Variants in PCDH15 observed in about 807,000 individuals in gnomAD.
PCDH15 encodes the protein protocadherin related 15.
PCDH15 carries 129 observed loss-of-function variants against 178.5 expected under a neutral mutation model. The observed-to-expected ratio is 0.72, with a 90% CI of 0.63 to 0.84. The LOEUF (loss-of-function observed/expected upper bound fraction) is 0.84. PCDH15 is among the 40% of genes least tolerant of loss of function. The pLI, the probability that PCDH15 is intolerant of heterozygous loss-of-function variation, is 0.00. For missense variants in PCDH15, 2,230 were observed against 2,099.9 expected (o/e 1.06, Z -1.21); for synonymous variants, 800 against 732.0 (o/e 1.09, Z -1.50).
intron 2 of PCDH15, among the ~76,000 whole-genome samples, chr10:55,490,806 T>A (rs1218324833): frequency 6.6e-6 from 1 of 151,682 alleles, no homozygotes; most frequent in Non-Finnish European, 1.5e-5. Flanking sequence ...CAATAAAGCT[T>A]AAGGAAGATA....
intron 2 of PCDH15, among the ~76,000 whole-genome samples, chr10:55,537,542 T>A (rs2132070818): frequency 7.9e-6 from 1 of 125,790 alleles, no homozygotes; most frequent in East Asian, 5.8e-4. Flanking sequence ...TTTAAGCAAT[T>A]CTCCTGCCTC....
At chr10:54,460,560 G>A (rs1043744639) in intron 3 of PCDH15, among the ~76,000 whole-genome samples, 1 of 152,004 alleles carries the variant, frequency 6.6e-6, no homozygotes, top group Non-Finnish European at 1.5e-5. Flanking sequence ...GTAAAACATG[G>A]AGCGGGAATC....
At chr10:54,105,137 C>CA (rs762540128) in intron 15 of PCDH15, among the ~76,000 whole-genome samples, 1 of 150,958 alleles carries the variant, frequency 6.6e-6, no homozygotes, top group Non-Finnish European at 1.5e-5. Context: ...CCAGAAACCC[C>CA]AAAACCAATG....
chr10:55,437,966 T>A (rs1042101197), intron 2 of PCDH15, among the ~76,000 whole-genome samples: 1 of 150,422 alleles, frequency 6.6e-6, no homozygotes, highest in Non-Finnish European at 1.5e-5. Context: ...GCCTCCCGGG[T>A]ACCTAGATTA....
At chr10:54,494,894 T>G (rs2079969769) in intron 3 of PCDH15, among the ~76,000 whole-genome samples, 1 of 152,130 alleles carries the variant, frequency 6.6e-6, no homozygotes, top group African/African-American at 2.4e-5. Context: ...TGCTCAATTC[T>G]GGAGGCCCTA....
chr10:54,380,737 T>TGCTCC (rs1272225597), intron 3 of PCDH15, among the ~76,000 whole-genome samples: 2 of 130,828 alleles, frequency 1.5e-5, no homozygotes, highest in Non-Finnish European at 3.1e-5. Context: ...TATATATATA[T>TGCTCC]ATATATATAT....
intron 2 of PCDH15, among the ~76,000 whole-genome samples, chr10:55,072,396 TA>T (rs1429127460): frequency 6.6e-6 from 1 of 151,684 alleles, no homozygotes; most frequent in Non-Finnish European, 1.5e-5. Flanking sequence ...ATAGACGCAA[TA>T]AAAAATGATA....
At chr10:54,695,844 C>T (rs1199071416) in intron 1 of PCDH15, among the ~76,000 whole-genome samples, 1 of 151,360 alleles carries the variant, frequency 6.6e-6, no homozygotes, top group Non-Finnish European at 1.5e-5. Context: ...TCCATTGGGG[C>T]TTCAAATGAA....
chr10:54,915,121 C>A (rs1301336045), intron 2 of PCDH15, among the ~76,000 whole-genome samples: 1 of 152,162 alleles, frequency 6.6e-6, no homozygotes, highest in Non-Finnish European at 1.5e-5. Flanking sequence ...TGCTAAGAAG[C>A]ACTATGTACA....
At chr10:55,288,523 T>C (rs936028652) in intron 1 of PCDH15, among the ~76,000 whole-genome samples, 6 of 152,096 alleles carry the variant, frequency 3.9e-5, no homozygotes, top group South Asian at 2.1e-4. Context: ...TTTTAACTAA[T>C]ATCTTCCTAC....
chr10:54,372,897 A>G lies in PCDH15; in HGVS notation c.319-3622T>C, dbSNP rs563221739. On this transcript the variant is annotated intron_variant, in intron 4 of 37. Coordinates refer to ENST00000644397, the MANE Select transcript of PCDH15 (RefSeq NM_001384140.1). ...AGTGTACCTGTGTATAGGTTATGAT[A>G]TGTGTATCAGGAATGATATATATCA... Among the ~76,000 whole-genome samples, 6 of 151,972 alleles carry G rather than the reference A, an allele frequency of 3.9e-5. No individual in the cohort carries two copies. In the South Asian group the frequency reaches 6.2e-4, roughly 16 times the overall value.
chr10:54,305,110 C>T (rs938927760), intron 8 of PCDH15, among the ~76,000 whole-genome samples: 2 of 152,062 alleles, frequency 1.3e-5, no homozygotes, highest in African/African-American at 4.8e-5. Context: ...GTGTTATGTA[C>T]ATAATTTCTT....
intron 3 of PCDH15, among the ~76,000 whole-genome samples, chr10:54,442,388 T>C (rs1565287083): frequency 2.7e-5 from 2 of 75,222 alleles, no homozygotes; most frequent in East Asian, 2.7e-4. Context: ...CTCCTTTTTT[T>C]TTAAAAAAAA....
intron 3 of PCDH15, among the ~76,000 whole-genome samples, chr10:54,505,284 G>A (rs534084830): frequency 6.6e-6 from 1 of 152,012 alleles, no homozygotes; most frequent in Non-Finnish European, 1.5e-5. Context: ...GAATTTCTAT[G>A]TATACACAGG....
At chr10:54,242,141 T>TATAC (rs2055411513) in intron 8 of PCDH15, among the ~76,000 whole-genome samples, 1 of 27,024 alleles carries the variant, frequency 3.7e-5, no homozygotes, top group African/African-American at 2.4e-4. Flanking sequence ...TATATATATA[T>TATAC]ATATATATAT....
intron 2 of PCDH15, among the ~76,000 whole-genome samples, chr10:55,460,016 T>A (rs900530283): frequency 6.6e-6 from 1 of 152,108 alleles, no homozygotes; most frequent in Non-Finnish European, 1.5e-5. Context: ...CATGGACCGT[T>A]GACAAGAAAA....
At chr10:54,314,865 C>T (rs2061143993) in intron 8 of PCDH15, among the ~76,000 whole-genome samples, 1 of 152,052 alleles carries the variant, frequency 6.6e-6, no homozygotes, top group African/African-American at 2.4e-5. Context: ...AAAGACAAGA[C>T]CTCATTATTT....
At chr10:54,641,083 G>A (rs961673358) in intron 2 of PCDH15, 43 of 279,876 alleles carry the variant, frequency 1.5e-4, no homozygotes, top group African/African-American at 9.1e-4. Context: ...CAGCCTGGGC[G>A]ATAGAGCCAT....
At chr10:54,973,261 A>T (rs1214008991) in intron 2 of PCDH15, among the ~76,000 whole-genome samples, 3 of 152,214 alleles carry the variant, frequency 2.0e-5, no homozygotes, top group African/African-American at 7.2e-5. Flanking sequence ...TGTGCAGATC[A>T]AGTGTATATG....
Sources: gnomAD v4.1 joint callset for allele counts (sites outside exome capture counted in the v4.1 genomes callset) on GRCh38, gnomAD v4.1.1 for gene constraint, MANE v1.5 for transcripts, NCBI Gene and HGNC (gene_info 2026-07-23, HGNC 2026-07-21) for gene names.